The following ROBO2 variants were observed in gnomAD, a reference collection of about 807,000 sequenced individuals.
ROBO2 encodes roundabout guidance receptor 2, also known as roundabout homolog 2.
In ROBO2, 53 loss-of-function variants were observed where a neutral mutation model predicts 160.8. The ratio of observed to expected loss-of-function variants is 0.33; its 90% confidence interval spans 0.26 to 0.41. The LOEUF (loss-of-function observed/expected upper bound fraction) is 0.41. Ranked by LOEUF, ROBO2 falls within the 10% of genes least tolerant of loss-of-function variation. The pLI, the probability that ROBO2 is intolerant of heterozygous loss-of-function variation, is 1.00. For synonymous variants in ROBO2, 664 were observed against 611.7 expected (o/e 1.09, Z -1.26); for missense variants, 1,577 against 1,722.4 (o/e 0.92, Z 1.49).
chr3:75,954,836 C>A (rs1473668332), intron 2 of ROBO2, among the ~76,000 whole-genome samples: 1 of 151,608 alleles, frequency 6.6e-6, no homozygotes, highest in Admixed American at 6.6e-5. Flanking sequence ...AAAAACTTAG[C>A]ATAAGACCAA....
chr3:76,091,498 C>T (rs1366911267), intron 2 of ROBO2, among the ~76,000 whole-genome samples: 8 of 152,180 alleles, frequency 5.3e-5, no homozygotes, highest in East Asian at 1.9e-4. Flanking sequence ...GTGGTACAGC[C>T]GCTTTGGAAG....
At chr3:77,276,029 T>G (rs1289691290) in intron 2 of ROBO2, among the ~76,000 whole-genome samples, 1 of 152,160 alleles carries the variant, frequency 6.6e-6, no homozygotes, top group South Asian at 2.1e-4. Flanking sequence ...AACCTATCTT[T>G]GCAATGTGTA....
chr3:76,409,973 A>G (rs899831291), intron 2 of ROBO2, among the ~76,000 whole-genome samples: 9 of 152,074 alleles, frequency 5.9e-5, no homozygotes, highest in South Asian at 2.1e-4. Flanking sequence ...TTTTATATCA[A>G]TTTCTGAGAG....
At chr3:77,051,749 G>T (rs987948269) in intron 1 of ROBO2, among the ~76,000 whole-genome samples, 4 of 152,134 alleles carry the variant, frequency 2.6e-5, no homozygotes, top group Non-Finnish European at 5.9e-5. Context: ...CCTAATCTTT[G>T]CATTTGAAAT....
chr3:76,424,731 C>G (rs1007213456), intron 2 of ROBO2, among the ~76,000 whole-genome samples: 1 of 152,026 alleles, frequency 6.6e-6, no homozygotes, highest in Non-Finnish European at 1.5e-5. Flanking sequence ...AGTTATGCGT[C>G]GAAAGTGATG....
intron 2 of ROBO2, among the ~76,000 whole-genome samples, chr3:77,111,932 C>T (rs1208393516): frequency 2.0e-5 from 3 of 152,090 alleles, no homozygotes; most frequent in African/African-American, 7.2e-5. Flanking sequence ...GAAAGATCAG[C>T]TGGGCGCGGT....
chr3:76,516,303 C>T (rs2081344662), intron 2 of ROBO2, among the ~76,000 whole-genome samples: 1 of 152,074 alleles, frequency 6.6e-6, no homozygotes, highest in South Asian at 2.1e-4. Context: ...ACCTCCATAC[C>T]CACACCTGCT....
At position 75,914,737 on chromosome 3, in the gene ROBO2, G is replaced by A. The variant is rs1047695922; in HGVS notation, c.-14+7777G>A. 9.2e-5 allele frequency among the ~76,000 whole-genome samples: 14 copies of A among 152,234 alleles called. No individual in the cohort carries two copies. In the South Asian group the frequency reaches 1.0e-3, roughly 11 times the overall value. On this transcript the variant is annotated intron_variant, in intron 1 of 26. Transcript: ENST00000487694. ...GTAACTCTTAATGAGAATGAGTAAC[G>A]TACATGCATATTTTTAGCTCCCAGT... is the stretch of plus-strand genomic sequence containing the variant.
At chr3:76,590,520 T>C (rs2086349078) in intron 2 of ROBO2, among the ~76,000 whole-genome samples, 1 of 152,134 alleles carries the variant, frequency 6.6e-6, no homozygotes, top group Non-Finnish European at 1.5e-5. Flanking sequence ...AGTAAAATGT[T>C]TGAGTTGATT....
chr3:76,397,355 T>G (rs2077520846), intron 2 of ROBO2, among the ~76,000 whole-genome samples: 1 of 152,122 alleles, frequency 6.6e-6, no homozygotes, highest in African/African-American at 2.4e-5. Flanking sequence ...ACGTTACACC[T>G]AAAACCATAA....
At chr3:77,331,744 C>A (rs909462636) in intron 2 of ROBO2, among the ~76,000 whole-genome samples, 3 of 152,028 alleles carry the variant, frequency 2.0e-5, no homozygotes, top group African/African-American at 7.2e-5. Flanking sequence ...CCCTCTGTCA[C>A]CTAGGCTGGA....
chr3:76,132,727 T>C (rs2071275802), intron 2 of ROBO2, among the ~76,000 whole-genome samples: 1 of 152,202 alleles, frequency 6.6e-6, no homozygotes, highest in African/African-American at 2.4e-5. Context: ...TTAATGTCAG[T>C]TCTCTTATGT....
intron 2 of ROBO2, among the ~76,000 whole-genome samples, chr3:75,938,788 A>G (rs1947908333): frequency 6.6e-6 from 1 of 152,216 alleles, no homozygotes; most frequent in Non-Finnish European, 1.5e-5. Context: ...TTGTATATAC[A>G]TGTAAGCAGA....
intron 2 of ROBO2, among the ~76,000 whole-genome samples, chr3:76,355,341 CTAT>C (rs912256699): frequency 6.6e-6 from 1 of 151,596 alleles, no homozygotes; most frequent in Non-Finnish European, 1.5e-5. Flanking sequence ...AGCAATAATT[CTAT>C]TATTATTATT....
intron 2 of ROBO2, among the ~76,000 whole-genome samples, chr3:77,297,872 T>C (rs2062289195): frequency 6.6e-6 from 1 of 152,152 alleles, no homozygotes; most frequent in Admixed American, 6.6e-5. Context: ...AAACAGACTT[T>C]GTCCGGGATA....
chr3:76,018,577 C>T (rs112412536), intron 2 of ROBO2, among the ~76,000 whole-genome samples: 54 of 151,790 alleles, frequency 3.6e-4, no homozygotes, highest in African/African-American at 1.3e-3. Context: ...TTTAAATATG[C>T]TTTCCTATTT....
At chr3:76,425,738 C>T (rs890348311) in intron 2 of ROBO2, among the ~76,000 whole-genome samples, 3 of 151,866 alleles carry the variant, frequency 2.0e-5, no homozygotes, top group African/African-American at 4.8e-5. Flanking sequence ...AGCCAAAGCT[C>T]GGTGCCTATA....
intron 2 of ROBO2, among the ~76,000 whole-genome samples, chr3:76,064,353 G>T (rs1188951445): frequency 6.6e-6 from 1 of 152,180 alleles, no homozygotes; most frequent in Non-Finnish European, 1.5e-5. Context: ...AAGCTCGGCT[G>T]CAAATCCTCT....
chr3:77,424,763 T>C (rs1269730968), intron 2 of ROBO2, among the ~76,000 whole-genome samples: 1 of 152,180 alleles, frequency 6.6e-6, no homozygotes, highest in Non-Finnish European at 1.5e-5. Flanking sequence ...TGCCCGTGTA[T>C]GCGTGTGAAG....
Sources: gnomAD v4.1 joint callset for allele counts (sites outside exome capture counted in the v4.1 genomes callset) on GRCh38, gnomAD v4.1.1 for gene constraint, MANE v1.5 for transcripts, NCBI Gene and HGNC (gene_info 2026-07-23, HGNC 2026-07-21) for gene names.